Variants in NOL10 observed in about 807,000 individuals in gnomAD.
NOL10 encodes nucleolar protein 10.
In NOL10, 58 loss-of-function variants were observed where a neutral mutation model predicts 103.5. That is an observed-to-expected ratio of 0.56 (90% CI 0.45 to 0.70). The LOEUF is 0.70. Among genes scored for constraint, NOL10 ranks in the 30% least tolerant of loss-of-function variants. NOL10 has a pLI of 0.00. For missense variants in NOL10, 763 were observed against 807.3 expected, an observed-to-expected ratio of 0.95 and a Z score of 0.67; for synonymous variants, 287 against 282.5, an observed-to-expected ratio of 1.02 and a Z score of -0.16.
chr2:10,682,624 T>G (rs2148365262), intron 2 of NOL10, among the ~76,000 whole-genome samples: 1 of 152,128 alleles, frequency 6.6e-6, no homozygotes, highest in African/African-American at 2.4e-5. Context: ...GGTCTCAAAC[T>G]TCTAGGGCCA....
At chr2:10,632,467 C>T (rs1190897661) in intron 13 of NOL10, among the ~76,000 whole-genome samples, 1 of 152,182 alleles carries the variant, frequency 6.6e-6, no homozygotes, top group African/African-American at 2.4e-5. Flanking sequence ...GTTTCCCAAA[C>T]CCCAGTCTAG....
intron 3 of NOL10, among the ~76,000 whole-genome samples, chr2:10,678,995 G>A (rs972410879): frequency 6.6e-6 from 1 of 152,088 alleles, no homozygotes; most frequent in African/African-American, 2.4e-5. Context: ...AGAGACAGGC[G>A]GACAACTGCT....
intron 8 of NOL10, among the ~76,000 whole-genome samples, chr2:10,664,581 G>A (rs980639357): frequency 3.9e-5 from 6 of 152,108 alleles, no homozygotes; most frequent in Admixed American, 1.3e-4. Flanking sequence ...TTGTTCAGTC[G>A]CCCAGCTGGA....
At chr2:10,688,138 A>G (rs1023942553) in intron 1 of NOL10, among the ~76,000 whole-genome samples, 3 of 152,108 alleles carry the variant, frequency 2.0e-5, no homozygotes, top group Admixed American at 1.3e-4. Flanking sequence ...CCCTATCTAC[A>G]AAGTATGTCC....
chr2:10,593,013 C>T (rs186056895), intron 17 of NOL10, among the ~76,000 whole-genome samples: 2 of 152,320 alleles, frequency 1.3e-5, no homozygotes, highest in Admixed American at 1.3e-4. Context: ...AAGTACTATT[C>T]ATACCACAGT....
intron 1 of NOL10, among the ~76,000 whole-genome samples, chr2:10,688,568 C>T (rs1417364789): frequency 1.3e-5 from 2 of 152,324 alleles, no homozygotes; most frequent in Non-Finnish European, 2.9e-5. Flanking sequence ...AGGCCTTCCC[C>T]GAAGGTTTTA....
intron 13 of NOL10, among the ~76,000 whole-genome samples, chr2:10,634,376 A>G (rs1678047849): frequency 6.6e-6 from 1 of 152,204 alleles, no homozygotes; most frequent in South Asian, 2.1e-4. Flanking sequence ...CTCTAAGCCT[A>G]GACAGCCGAG....
intron 3 of NOL10, among the ~76,000 whole-genome samples, chr2:10,680,276 A>AAAGGAG (rs1681644512): frequency 7.1e-6 from 1 of 140,430 alleles, no homozygotes; most frequent in African/African-American, 2.7e-5. Flanking sequence ...GACTCTTAAA[A>AAAGGAG]AAGAAGGAGA....
chr2:10,594,640 T>G (rs6735074), intron 17 of NOL10, among the ~76,000 whole-genome samples: 89,997 of 151,992 alleles, frequency 0.59, 27,663 homozygotes, highest in African/African-American at 0.74. Flanking sequence ...AACTTCAAAG[T>G]ACACAAAGAT....
At chr2:10,667,387 C>T in intron 7 of NOL10, 109 bp from the exon 8 acceptor site, 1 of 780,368 alleles carries the variant, frequency 1.3e-6, no homozygotes, top group South Asian at 1.5e-5. Context: ...AGAAAGAAGA[C>T]ACACAGATTC....
At chr2:10,628,986 T>C (rs34140737) in intron 13 of NOL10, among the ~76,000 whole-genome samples, 32,604 of 151,962 alleles carry the variant, frequency 0.21, 4,570 homozygotes, top group East Asian at 0.44. Flanking sequence ...AAAGGCCCTC[T>C]CATCTCAAGT....
chr2:10,607,382 C>A, intron 13 of NOL10, 71 bp from the exon 14 acceptor site: 1 of 1,462,328 alleles, frequency 6.8e-7, no homozygotes, highest in East Asian at 2.4e-5. Flanking sequence ...TTATTTATAA[C>A]CAGATTTTGT....
chr2:10,639,575 G>A (rs1470781463), intron 13 of NOL10, among the ~76,000 whole-genome samples: 3 of 152,224 alleles, frequency 2.0e-5, no homozygotes, highest in South Asian at 4.2e-4. Flanking sequence ...CTAGGGGCTC[G>A]GAATTCAGGA....
intron 13 of NOL10, among the ~76,000 whole-genome samples, chr2:10,638,586 G>A (rs1168530385): frequency 3.0e-5 from 4 of 135,080 alleles, no homozygotes; most frequent in African/African-American, 1.1e-4. Context: ...CCGCTTCCCA[G>A]GTTCAAGCAA....
intron 13 of NOL10, among the ~76,000 whole-genome samples, chr2:10,640,709 G>C (rs900712002): frequency 6.6e-6 from 1 of 151,950 alleles, no homozygotes; most frequent in Non-Finnish European, 1.5e-5. Context: ...GAACAAAAAC[G>C]CCCACCCTAA....
At chr2:10,597,859 T>C (rs1307856702) in intron 17 of NOL10, among the ~76,000 whole-genome samples, 1 of 152,232 alleles carries the variant, frequency 6.6e-6, no homozygotes, top group Non-Finnish European at 1.5e-5. Flanking sequence ...TTCCTCCTTT[T>C]CACTGGAAGT....
chr2:10,638,325 GACGTGACGTA>G (rs1276434203), intron 13 of NOL10, among the ~76,000 whole-genome samples: 2,977 of 127,100 alleles, frequency 0.023, 40 homozygotes, highest in African/African-American at 0.039. Flanking sequence ...GACGTGACGT[GACGTGACGTA>G]ACGTAACGTA....
intron 5 of NOL10, chr2:10,673,173 C>T (rs1252676541): frequency 5.4e-6 from 1 of 183,692 alleles, no homozygotes; most frequent in African/African-American, 2.3e-5. Flanking sequence ...AGCAACCTGG[C>T]AAATAAATCT....
At chr2:10,673,211 A>G (rs1438172466) in intron 5 of NOL10, 2 of 222,386 alleles carry the variant, frequency 9.0e-6, no homozygotes, top group East Asian at 9.2e-5. Flanking sequence ...CAGAATCACA[A>G]ATCTAGAATA....
Sources: allele counts gnomAD v4.1 joint callset (sites outside exome capture counted in the v4.1 genomes callset), GRCh38; gene constraint gnomAD v4.1.1; transcripts MANE v1.5; gene names NCBI Gene and HGNC (gene_info 2026-07-23, HGNC 2026-07-21).